Variants in TBC1D12 observed in about 807,000 individuals in gnomAD.
TBC1D12 encodes TBC1 domain family, member 12.
TBC1D12 carries 56 observed loss-of-function variants against 86.7 expected under a neutral mutation model. That is an observed-to-expected ratio of 0.65 (90% CI 0.52 to 0.81). The LOEUF (loss-of-function observed/expected upper bound fraction) is 0.81, where lower values mean the gene tolerates loss of function less well. TBC1D12 is among the 30% of genes least tolerant of loss of function. The pLI, the probability that TBC1D12 is intolerant of heterozygous loss-of-function variation, is 0.00. For synonymous variants in TBC1D12, 421 were observed against 411.7 expected (o/e 1.02, Z -0.27); for missense variants, 1,023 against 1,038.8 (o/e 0.98, Z 0.21).
chr10:94,487,123 G>A lies in TBC1D12; in HGVS notation c.1212-6242G>A, dbSNP rs146390075. 4.9e-3 allele frequency among the ~76,000 whole-genome samples: 744 copies of A among 151,918 alleles called. 5 individuals carry two copies. Among genetic ancestry groups the A allele is most frequent in the African/African-American group, 0.017 (707 of 41,448 alleles). On this transcript the variant is annotated intron_variant, in intron 3 of 12. Transcript: ENST00000225235. ...CTATTATGTCTGACATAAATATAGC[G>A]ACTCTTTCTCCTTTTTGGTGTCCAT... is the stretch of plus-strand genomic sequence containing the variant.
chr10:94,443,257 T>C (rs923120668), intron 2 of TBC1D12, among the ~76,000 whole-genome samples: 1 of 152,238 alleles, frequency 6.6e-6, no homozygotes, highest in Non-Finnish European at 1.5e-5. Context: ...GCCTGAACTA[T>C]GTAGCTAGTC....
chr10:94,503,300 T>A (rs2056422087), intron 6 of TBC1D12, among the ~76,000 whole-genome samples: 2 of 152,206 alleles, frequency 1.3e-5, no homozygotes, highest in African/African-American at 4.8e-5. Flanking sequence ...TTAAAATGAA[T>A]GAGAATTACC....
At chr10:94,415,442 T>C (rs2054986121) in intron 1 of TBC1D12, among the ~76,000 whole-genome samples, 1 of 152,146 alleles carries the variant, frequency 6.6e-6, no homozygotes, top group African/African-American at 2.4e-5. Flanking sequence ...AGTTAAAGAC[T>C]AATAAAACTA....
intron 9 of TBC1D12, among the ~76,000 whole-genome samples, chr10:94,512,686 A>G (rs991708405): frequency 3.3e-5 from 5 of 152,218 alleles, no homozygotes; most frequent in African/African-American, 1.2e-4. Flanking sequence ...AAAGTGTGAG[A>G]TGATAAAGGG....
At chr10:94,466,424 A>G (rs191876172) in intron 2 of TBC1D12, among the ~76,000 whole-genome samples, 216 of 152,138 alleles carry the variant, frequency 1.4e-3, no homozygotes, top group Middle Eastern at 6.8e-3. Context: ...ACATATATAT[A>G]TGTATATATG....
intron 2 of TBC1D12, among the ~76,000 whole-genome samples, chr10:94,467,997 T>C (rs919669278): frequency 2.6e-5 from 4 of 152,228 alleles, no homozygotes; most frequent in African/African-American, 7.2e-5. Context: ...CATGAAAGCA[T>C]GTCCTGAACA....
chr10:94,460,694 TTCTC>T (rs2055714837), intron 2 of TBC1D12, among the ~76,000 whole-genome samples: 1 of 152,064 alleles, frequency 6.6e-6, no homozygotes. Context: ...TTCTTCTTCC[TTCTC>T]TCTGTCTCTC....
chr10:94,521,946 C>A lies in TBC1D12; in HGVS notation c.1762-9C>A. The A allele has an allele frequency of 6.4e-7, 1 of 1,571,450 alleles. No homozygotes were observed. The highest frequency in any genetic ancestry group is 2.3e-5 in the East Asian group (1 of 44,334). ...AGTCCATTTTGACTAAATTTTTCTC[C>A]CTTTGAAGGTCCAAGGGATGTCCTT... On this transcript the variant is annotated splice_polypyrimidine_tract_variant and intron_variant, in intron 9 of 12. Transcript: ENST00000225235.
chr10:94,502,404 G>A (rs2056409537), intron 6 of TBC1D12, among the ~76,000 whole-genome samples: 1 of 149,598 alleles, frequency 6.7e-6, no homozygotes, highest in Non-Finnish European at 1.5e-5. Context: ...TCAAATAGAG[G>A]AAAGTAAAAT....
At chr10:94,513,193 G>C (rs1299532369) in intron 9 of TBC1D12, among the ~76,000 whole-genome samples, 2 of 148,962 alleles carry the variant, frequency 1.3e-5, no homozygotes, top group African/African-American at 5.0e-5. Flanking sequence ...GTTGCAGTGA[G>C]CCAAGATCGT....
intron 2 of TBC1D12, among the ~76,000 whole-genome samples, chr10:94,465,817 TACAC>T (rs1406159453): frequency 6.6e-6 from 1 of 151,098 alleles, no homozygotes; most frequent in Non-Finnish European, 1.5e-5. Context: ...TACGCATACA[TACAC>T]ATATACGTAT....
intron 2 of TBC1D12, among the ~76,000 whole-genome samples, chr10:94,453,643 A>AT (rs1233870203): frequency 1.3e-5 from 2 of 152,136 alleles, no homozygotes; most frequent in Non-Finnish European, 2.9e-5. Context: ...TTTACTTTTT[A>AT]TTTTTTTGTA....
chr10:94,484,608 G>A (rs2056133259), intron 3 of TBC1D12, among the ~76,000 whole-genome samples: 2 of 152,004 alleles, frequency 1.3e-5, no homozygotes, highest in South Asian at 4.1e-4. Context: ...ATAAATTTTA[G>A]GATTGTTTTT....
intron 2 of TBC1D12, among the ~76,000 whole-genome samples, chr10:94,454,273 G>A (rs1373308148): frequency 2.6e-5 from 4 of 152,142 alleles, no homozygotes; most frequent in East Asian, 1.9e-4. Flanking sequence ...CCAGGCTGGA[G>A]TGCAGTGGCG....
In TBC1D12 at chr10:94,405,102, C is replaced by T. The variant is rs577702301; in HGVS notation, c.971+1518C>T. Among the ~76,000 whole-genome samples, 18 of 146,990 alleles carry T rather than the reference C, an allele frequency of 1.2e-4. No individual in the cohort carries two copies. The East Asian group carries it at 3.4e-3, about 27-fold the overall frequency. ...GAGTTAGATTTTGACACGCCTTTTT[C>T]TTCTTCTTCTTCTTCTTTTTTCTTA... On this transcript the variant is annotated intron_variant, in intron 1 of 12. Transcript: ENST00000225235.
intron 3 of TBC1D12, among the ~76,000 whole-genome samples, chr10:94,487,464 A>G (rs2056182030): frequency 6.7e-6 from 1 of 148,250 alleles, no homozygotes; most frequent in African/African-American, 2.5e-5. Flanking sequence ...CTTGCTTTTT[A>G]TTTTGTGTTG....
chr10:94,439,796 A>G (rs759086868), intron 1 of TBC1D12, among the ~76,000 whole-genome samples: 2 of 152,242 alleles, frequency 1.3e-5, no homozygotes, highest in Admixed American at 6.5e-5. Flanking sequence ...GTATTAGAAG[A>G]ATCATCAACA....
At chr10:94,497,227 CTTTT>C in intron 5 of TBC1D12, 55 bp downstream of exon 5, 1 of 757,286 alleles carries the variant, frequency 1.3e-6, no homozygotes, top group Non-Finnish European at 1.9e-6. Context: ...TCTCATGTTT[CTTTT>C]TTTTTTTTTA....
intron 6 of TBC1D12, 137 bp downstream of exon 6, chr10:94,500,464 CCT>C (rs773778150): frequency 8.8e-5 from 47 of 536,692 alleles, no homozygotes; most frequent in Non-Finnish European, 1.3e-4. Context: ...GCTTCATCCC[CCT>C]GTTATGAAGC....
Sources: allele counts gnomAD v4.1 joint callset (sites outside exome capture counted in the v4.1 genomes callset), GRCh38; gene constraint gnomAD v4.1.1; transcripts MANE v1.5; gene names NCBI Gene and HGNC (gene_info 2026-07-23, HGNC 2026-07-21).